TRPA1: variants seen among roughly 807,000 people sequenced by gnomAD.
TRPA1 encodes the protein transient receptor potential cation channel subfamily A member 1, also known as ankyrin-like with transmembrane domains 1.
In TRPA1, 129 loss-of-function variants were observed where a neutral mutation model predicts 131.3. That is an observed-to-expected ratio of 0.98 (90% CI 0.85 to 1.14). The LOEUF is 1.14. Ranked by LOEUF, TRPA1 falls within the 50% of genes most tolerant of loss-of-function variation. The pLI, the probability that TRPA1 is intolerant of heterozygous loss-of-function variation, is 0.00. For synonymous variants in TRPA1, 441 were observed against 451.7 expected (o/e 0.98, Z 0.30); for missense variants, 1,304 against 1,354.2 (o/e 0.96, Z 0.58).
chr8:72,075,667 C>A (rs989101225), upstream of TRPA1: 1 of 518,362 alleles, frequency 1.9e-6, no homozygotes, highest in South Asian at 2.0e-5. Context: ...GGAGCTCCTT[C>A]GCAAAGAGGG....
intron 7 of TRPA1, among the ~76,000 whole-genome samples, chr8:72,059,953 T>C (rs1805768621): frequency 6.6e-6 from 1 of 152,164 alleles, no homozygotes; most frequent in African/African-American, 2.4e-5. Flanking sequence ...TTTGGTATCA[T>C]CTCACAGGCA....
chr8:72,081,910 T>C, the TRPA1 span, among the ~76,000 whole-genome samples: 1 of 151,918 alleles, frequency 6.6e-6, no homozygotes, highest in Non-Finnish European at 1.5e-5. Flanking sequence ...TAGTTGAATC[T>C]TTCTCTTTTA....
chr8:72,029,977 A>G lies in TRPA1; in HGVS notation c.2869-8T>C. The G allele has an allele frequency of 6.2e-7, 1 of 1,612,520 alleles. No homozygotes were observed. The highest frequency in any genetic ancestry group is 8.5e-7 in the Non-Finnish European group (1 of 1,178,554). On this transcript the variant is annotated splice_polypyrimidine_tract_variant and splice_region_variant and intron_variant, in intron 23 of 26. Transcript: ENST00000262209. ...GCCAACTGCCAAACCAATCTGAAGT[A>G]TGACACAAAATTAAATCACTACAGT...
At chr8:72,068,952 G>C (rs372118651) in intron 3 of TRPA1, 71 bp downstream of exon 3, 1 of 1,532,218 alleles carries the variant, frequency 6.5e-7, no homozygotes. Flanking sequence ...GGTGCAAGCA[G>C]AGAGAGCTGG....
At position 72,025,940 on chromosome 8, in the gene TRPA1, T is replaced by A; in HGVS notation, c.3051+20A>T. ...AACAGTGTCATGTTACTGATGTTGT[T>A]ATTTGTTATGTGTACTTACGAATAA... On this transcript the variant is annotated intron_variant, in intron 25 of 26. Coordinates refer to ENST00000262209, the MANE Select transcript of TRPA1 (RefSeq NM_007332.3). 6.3e-7 allele frequency: 1 copy of A among 1,589,466 alleles called. No homozygotes were observed. Among genetic ancestry groups the A allele is most frequent in the Non-Finnish European group, 8.6e-7 (1 of 1,158,126 alleles).
In TRPA1 at chr8:72,022,765, C is replaced by CTAA. The variant is rs113150770; in HGVS notation, c.*140_*141insTTA. ...TGAATAGAGGATAAAAGATGGTTTA[C>CTAA]TTTTATACAGCATGCAGGAACCATG... is the stretch of plus-strand genomic sequence containing the variant. On this transcript the variant is annotated 3_prime_UTR_variant, in exon 27 of 27. Coordinates refer to ENST00000262209, the MANE Select transcript of TRPA1 (RefSeq NM_007332.3). 91,364 of 801,946 alleles carry CTAA rather than the reference C, an allele frequency of 0.11. 7,281 individuals are homozygous for CTAA. The highest frequency in any genetic ancestry group is 0.3 in the Admixed American group (14,876 of 49,686). The allele number at this position is 801,946 out of a possible 1,614,324, so 49.7% of individuals were successfully genotyped here. A position where few individuals can be genotyped will look rare whatever the true frequency, so the allele number is the denominator to read the frequency against.
intron 23 of TRPA1, among the ~76,000 whole-genome samples, chr8:72,030,246 A>AT (rs1811763756): frequency 6.6e-6 from 1 of 152,160 alleles, no homozygotes; most frequent in African/African-American, 2.4e-5. Flanking sequence ...AAGCTCCCTC[A>AT]TAGCTCTTTT....
At chr8:72,071,626 C>G (rs1806061964) in intron 2 of TRPA1, 85 bp downstream of exon 2, 6 of 1,484,930 alleles carry the variant, frequency 4.0e-6, no homozygotes, top group Non-Finnish European at 4.7e-6. Context: ...CACTAATTAC[C>G]CTTAAAAATC....
At chr8:72,076,218 G>A (rs1806181676), upstream of TRPA1, among the ~76,000 whole-genome samples, 2 of 152,142 alleles carry the variant, frequency 1.3e-5, no homozygotes, top group South Asian at 2.1e-4. Flanking sequence ...GTGTTTAAGG[G>A]TGGTTAATAA....
chr8:72,053,889 A>G lies in TRPA1; in HGVS notation c.1530-22T>C, dbSNP rs3735944. The G allele has an allele frequency of 0.51, 806,438 of 1,579,254 alleles. 208,323 individuals carry two copies. The highest frequency in any genetic ancestry group is 0.7 in the Admixed American group (41,111 of 58,564). ...GTCACTGGTAAAGAGTTAAGAAAAG[A>G]TGTGTGCATACACTTAACAGATGAA... On this transcript the variant is annotated intron_variant, in intron 12 of 26. Coordinates refer to ENST00000262209, the MANE Select transcript of TRPA1 (RefSeq NM_007332.3).
intron 15 of TRPA1, 109 bp from the exon 16 acceptor site, chr8:72,047,316 G>C: frequency 1.2e-6 from 1 of 817,884 alleles, no homozygotes; most frequent in East Asian, 2.5e-5. Flanking sequence ...TCCTTTCCTT[G>C]GTTTCTTGCA....
At chr8:72,030,172 A>G (rs184270202) in intron 23 of TRPA1, among the ~76,000 whole-genome samples, 5 of 152,276 alleles carry the variant, frequency 3.3e-5, no homozygotes, top group Admixed American at 2.0e-4. Context: ...TCTGGTAAGA[A>G]CCCATTCCTC....
the TRPA1 span, among the ~76,000 whole-genome samples, chr8:72,081,969 T>C: frequency 6.6e-6 from 1 of 151,938 alleles, no homozygotes; most frequent in Non-Finnish European, 1.5e-5. Flanking sequence ...ACTCATTATA[T>C]CATTGACATT....
chr8:72,053,007 A>AAGAGAGAG (rs57169742), intron 13 of TRPA1: 4,892 of 231,420 alleles, frequency 0.021, 56 homozygotes, highest in Non-Finnish European at 0.028. Context: ...GAGATAGAGA[A>AAGAGAGAG]AGAGAGAGAG....
Position 72,038,972 on chromosome 8 carries a change from G to T in TRPA1, c.2188C>A (p.Leu730Ile). 3.1e-6 allele frequency: 5 copies of T among 1,613,006 alleles called. No homozygotes were observed. The highest frequency in any genetic ancestry group is 4.2e-6 in the Non-Finnish European group (5 of 1,179,414). ...MMNLGSYCLGLIPMTILVVNI... is the reference protein window; with the variant it reads ...MMNLGSYCLGIIPMTILVVNI... ...ACAACGAGAATGGTCATAGGTATGA[G>T]ACCAAGACAGTAAGATCCTAAATTC... The change falls in exon 19 of 27, where the codon CTC becomes ATC. Residue 730 changes from leucine (L) to isoleucine (I), a missense_variant. Transcript: ENST00000262209.
intron 26 of TRPA1, 52 bp downstream of exon 26, chr8:72,023,762 T>C: frequency 9.5e-7 from 1 of 1,047,188 alleles, no homozygotes; most frequent in South Asian, 1.3e-5. Context: ...TTGTGCATTA[T>C]TATTTATGAG....
intron 24 of TRPA1, among the ~76,000 whole-genome samples, chr8:72,028,966 T>C (rs1585836657): frequency 6.6e-6 from 1 of 152,338 alleles, no homozygotes; most frequent in South Asian, 2.1e-4. Context: ...TATAGTCAAC[T>C]GGTCACCAAA....
chr8:72,036,926 A>G (rs1156504886), intron 20 of TRPA1, among the ~76,000 whole-genome samples: 1 of 152,224 alleles, frequency 6.6e-6, no homozygotes, highest in African/African-American at 2.4e-5. Flanking sequence ...CAAACTTTTT[A>G]TGTATTGGTC....
At chr8:72,057,432 CAGTT>C (rs1805697153) in intron 9 of TRPA1, among the ~76,000 whole-genome samples, 1 of 152,156 alleles carries the variant, frequency 6.6e-6, no homozygotes, top group Non-Finnish European at 1.5e-5. Context: ...CATTGAAAGA[CAGTT>C]AATTAAATGT....
Sources: allele counts gnomAD v4.1 joint callset (sites outside exome capture counted in the v4.1 genomes callset), GRCh38; gene constraint gnomAD v4.1.1; transcripts MANE v1.5; gene names NCBI Gene and HGNC (gene_info 2026-07-23, HGNC 2026-07-21).